CACNA1A: variants seen among roughly 807,000 people sequenced by gnomAD.
CACNA1A encodes the protein calcium voltage-gated channel subunit alpha1 A.
In CACNA1A, 57 loss-of-function variants were observed where a neutral mutation model predicts 262.4. The observed-to-expected ratio is 0.22, with a 90% CI of 0.18 to 0.27. The LOEUF (loss-of-function observed/expected upper bound fraction) is 0.27, where lower values mean the gene tolerates loss of function less well. CACNA1A is among the 10% of genes least tolerant of loss of function. The pLI is 1.00. For missense variants in CACNA1A, 2,526 were observed against 3,562.8 expected, an observed-to-expected ratio of 0.71 and a Z score of 7.41; for synonymous variants, 1,431 against 1,419.3, an observed-to-expected ratio of 1.01 and a Z score of -0.18.
intron 4 of CACNA1A, chr19:13,371,353 G>C: frequency 4.5e-6 from 1 of 221,118 alleles, no homozygotes; most frequent in South Asian, 1.1e-4. Flanking sequence ...CAGCCACTCT[G>C]AGCCTCAGTT....
At chr19:13,477,388 G>T (rs1339129452) in intron 1 of CACNA1A, among the ~76,000 whole-genome samples, 1 of 152,166 alleles carries the variant, frequency 6.6e-6, no homozygotes, top group Non-Finnish European at 1.5e-5. Flanking sequence ...CTCCCAGAGG[G>T]CAGGGACTTT....
At chr19:13,224,497 A>T in intron 38 of CACNA1A, among the ~76,000 whole-genome samples, 170 bp downstream of exon 38, 1 of 151,746 alleles carries the variant, frequency 6.6e-6, no homozygotes. Context: ...AAAAAAAAAA[A>T]AAAAAAAACA....
At chr19:13,496,348 A>G (rs902740305) in intron 1 of CACNA1A, among the ~76,000 whole-genome samples, 2 of 152,200 alleles carry the variant, frequency 1.3e-5, no homozygotes, top group Non-Finnish European at 1.5e-5. Flanking sequence ...GCTCTGAAGT[A>G]TTTGATGTCT....
At chr19:13,444,720 C>T (rs1365671109) in intron 3 of CACNA1A, among the ~76,000 whole-genome samples, 1 of 152,126 alleles carries the variant, frequency 6.6e-6, no homozygotes, top group Non-Finnish European at 1.5e-5. Flanking sequence ...TTCCTGGCTC[C>T]ATGACTTGAA....
chr19:13,370,350 C>T (rs1170147306), intron 4 of CACNA1A, among the ~76,000 whole-genome samples: 1 of 152,112 alleles, frequency 6.6e-6, no homozygotes, highest in Non-Finnish European at 1.5e-5. Flanking sequence ...ATCCACCCAT[C>T]CACCTTGGCC....
At chr19:13,495,465 T>A (rs1460488552) in intron 1 of CACNA1A, among the ~76,000 whole-genome samples, 1 of 152,040 alleles carries the variant, frequency 6.6e-6, no homozygotes, top group Non-Finnish European at 1.5e-5. Flanking sequence ...CCTGGCTAAT[T>A]TTTTGTATTT....
At chr19:13,470,101 C>T (rs186612624) in intron 1 of CACNA1A, among the ~76,000 whole-genome samples, 88 of 152,142 alleles carry the variant, frequency 5.8e-4, no homozygotes, top group Admixed American at 8.5e-4. Context: ...AGAAGACACC[C>T]GTGCATATTG....
At chr19:13,384,684 G>C (rs994444036) in intron 3 of CACNA1A, among the ~76,000 whole-genome samples, 1 of 152,110 alleles carries the variant, frequency 6.6e-6, no homozygotes, top group Non-Finnish European at 1.5e-5. Flanking sequence ...TAGGTGATGA[G>C]AGTGAAACTC....
rs1555745496 is a variant in CACNA1A at position 13,262,840 on chromosome 19, A to G, written c.3990-7T>C. On this transcript the variant is annotated splice_polypyrimidine_tract_variant and splice_region_variant and intron_variant, in intron 24 of 46. Transcript: ENST00000360228. ...TTTTCCTTTGCTATTGCCACTGTGG[A>G]GGAATGTTTAGGTGGGAAGAAGGGA... The G allele has an allele frequency of 6.3e-7, 1 of 1,587,876 alleles. No homozygotes were observed. The highest frequency in any genetic ancestry group is 8.6e-7 in the Non-Finnish European group (1 of 1,158,154).
chr19:13,241,555 A>AGGGGGGGGG lies in CACNA1A; in HGVS notation c.4950+3626_4950+3627insCCCCCCCCC. Reference sequence around the variant, plus strand: ...GATGCAGATGTTGAAGATGAGGGGGAGCGGGCGGGCGGGGGCAGTTGGGGA... The same window carrying AGGGGGGGGG: ...GATGCAGATGTTGAAGATGAGGGGGAGGGGGGGGGGCGGGCGGGCGGGGGCAGTTGGGGA... On this transcript the variant is annotated intron_variant, in intron 31 of 46. Coordinates refer to ENST00000360228, the MANE Select transcript of CACNA1A (RefSeq NM_001127222.2). The surrounding 1 kb of genome is among the most constrained non-coding windows in gnomAD (Gnocchi z 4.0). 3.3e-6 allele frequency: 1 copy of AGGGGGGGGG among 302,514 alleles called. No individual in the cohort carries two copies. Among genetic ancestry groups the AGGGGGGGGG allele is most frequent in the Admixed American group, 4.4e-5 (1 of 22,980 alleles). 18.7% of individuals were successfully genotyped at this position (302,514 alleles called of 1,614,324 possible).
intron 3 of CACNA1A, among the ~76,000 whole-genome samples, chr19:13,411,469 G>A (rs893862214): frequency 6.6e-6 from 1 of 152,090 alleles, no homozygotes; most frequent in African/African-American, 2.4e-5. Context: ...AAGCTCTCTT[G>A]CCTGCTGCCA....
At chr19:13,374,089 G>A (rs904518784) in intron 3 of CACNA1A, among the ~76,000 whole-genome samples, 2 of 152,148 alleles carry the variant, frequency 1.3e-5, no homozygotes, top group African/African-American at 2.4e-5. Flanking sequence ...TCCAGGCTGA[G>A]AGTGGCCATG....
In CACNA1A at chr19:13,212,831, C is replaced by CACACAT; in HGVS notation, c.5941-92_5941-91insATGTGT. The CACACAT allele has an allele frequency of 1.9e-6, 1 of 513,448 alleles. No homozygotes were observed. The allele number at this position is 513,448 out of a possible 1,614,324, so 31.8% of individuals were successfully genotyped here. Reference sequence around the variant, plus strand: ...GGCATTGCGACATCCCCAGTATACACACACACACACACACACACTCTCTCA... The same window carrying CACACAT: ...GGCATTGCGACATCCCCAGTATACACACACATACACACACACACACACACTCTCTCA... On this transcript the variant is annotated intron_variant, in intron 40 of 46. Coordinates refer to ENST00000360228, the MANE Select transcript of CACNA1A (RefSeq NM_001127222.2). This position sits in a 1 kb window ranked among gnomAD's most constrained non-coding sequence, Gnocchi z 5.6.
At chr19:13,260,574 T>G (rs2056710612) in intron 26 of CACNA1A, 1 of 152,122 alleles carries the variant, frequency 6.6e-6, no homozygotes, top group South Asian at 2.1e-4. Flanking sequence ...GGTCTCGATC[T>G]CCTGACCTCA....
In CACNA1A at chr19:13,402,863, C is replaced by T. The variant is rs77770174; in HGVS notation, c.540-31084G>A. ...ATATATACACATATATATATACACA[C>T]ACACACACACATATATATATATATA... On this transcript the variant is annotated intron_variant, in intron 3 of 46. Transcript: ENST00000360228. Among the ~76,000 whole-genome samples the T allele has an allele frequency of 3.7e-4, 26 of 69,894 alleles. No homozygotes were observed. In the East Asian group the frequency reaches 4.4e-3, roughly 12 times the overall value. The allele number at this position is 69,894 out of a possible 152,430, so 45.9% of individuals were successfully genotyped here. A position where few individuals can be genotyped will look rare whatever the true frequency, so the allele number is the denominator to read the frequency against.
intron 19 of CACNA1A, among the ~76,000 whole-genome samples, chr19:13,289,384 C>T (rs1319078783): frequency 1.3e-5 from 2 of 151,988 alleles, no homozygotes; most frequent in South Asian, 2.1e-4. Context: ...TGGGATCAAG[C>T]GACCCTCTTG....
At chr19:13,498,538 G>A (rs1981958772) in intron 1 of CACNA1A, among the ~76,000 whole-genome samples, 1 of 152,104 alleles carries the variant, frequency 6.6e-6, no homozygotes, top group Non-Finnish European at 1.5e-5. Context: ...CTGAGCAACA[G>A]GCACCTTTAA....
chr19:13,417,107 C>T (rs188512429), intron 3 of CACNA1A, among the ~76,000 whole-genome samples: 25 of 152,282 alleles, frequency 1.6e-4, no homozygotes, highest in Admixed American at 6.5e-4. Context: ...GTCACCCTCT[C>T]CCCAAGGGGG....
At chr19:13,297,210 CCA>C (rs2057682700) in intron 19 of CACNA1A, among the ~76,000 whole-genome samples, 1 of 152,084 alleles carries the variant, frequency 6.6e-6, no homozygotes, top group South Asian at 2.1e-4. Flanking sequence ...TGTGTGAGGC[CCA>C]GAGATATGAA....
Sources: allele counts gnomAD v4.1 joint callset (sites outside exome capture counted in the v4.1 genomes callset), GRCh38; gene constraint gnomAD v4.1.1; non-coding constraint Gnocchi (gnomAD v3.1); transcripts MANE v1.5; gene names NCBI Gene and HGNC (gene_info 2026-07-23, HGNC 2026-07-21).